Variants in LETMD1 observed in about 807,000 individuals in gnomAD.
LETMD1 encodes LETM1 domain-containing protein 1.
LETMD1 carries 30 observed loss-of-function variants against 43.9 expected under a neutral mutation model. The ratio of observed to expected loss-of-function variants is 0.68; its 90% CI spans 0.51 to 0.93. LETMD1 has a LOEUF of 0.93. LETMD1 is among the 40% of genes least tolerant of loss of function. The pLI, the probability that LETMD1 is intolerant of heterozygous loss-of-function variation, is 0.00. For synonymous variants in LETMD1, 176 were observed against 163.1 expected, an observed-to-expected ratio of 1.08 and a Z score of -0.60; for missense variants, 413 against 447.7, an observed-to-expected ratio of 0.92 and a Z score of 0.70.
chr12:51,050,842 C>T (rs974532423), intron 2 of LETMD1, among the ~76,000 whole-genome samples: 2 of 146,660 alleles, frequency 1.4e-5, no homozygotes, highest in African/African-American at 5.0e-5. Flanking sequence ...AGAGAAGCAC[C>T]GTCTCTACTA....
At chr12:51,066,536 G>T in the LETMD1 span, among the ~76,000 whole-genome samples, 3 of 151,816 alleles carry the variant, frequency 2.0e-5, no homozygotes. Flanking sequence ...AGCTACTTGG[G>T]AGGCTGAGGC....
upstream of LETMD1, chr12:51,048,325 AC>A (rs1256614798): frequency 1.9e-6 from 3 of 1,613,470 alleles, no homozygotes; most frequent in African/African-American, 4.0e-5. Flanking sequence ...CCCAAAGACA[AC>A]CTCTTCTCTC....
chr12:51,064,558 T>A (rs902158213), downstream of LETMD1: 1 of 1,613,214 alleles, frequency 6.2e-7, no homozygotes, highest in Non-Finnish European at 8.5e-7. Context: ...TCCAGCTTCA[T>A]AATGGTGTGG....
chr12:51,066,640 C>CAA, the LETMD1 span, among the ~76,000 whole-genome samples: 113 of 145,222 alleles, frequency 7.8e-4, no homozygotes, highest in South Asian at 2.2e-3. Flanking sequence ...GACTCCGTCT[C>CAA]AAAAAAAAAA....
At chr12:51,064,108 G>C, downstream of LETMD1, 1 of 1,614,164 alleles carries the variant, frequency 6.2e-7, no homozygotes, top group South Asian at 1.1e-5. Flanking sequence ...ACTGGCCTCT[G>C]CTCCACTTGA....
chr12:51,059,191 G>A, intron 8 of LETMD1, 170 bp from the exon 9 acceptor site: 1 of 601,206 alleles, frequency 1.7e-6, no homozygotes, highest in Non-Finnish European at 3.0e-6. Context: ...TAGAAGGAAA[G>A]GAAGGCATGC....
chr12:51,048,320 A>G (rs1944882649), upstream of LETMD1: 1 of 1,613,848 alleles, frequency 6.2e-7, no homozygotes, highest in Non-Finnish European at 8.5e-7. Flanking sequence ...TTTGACCCAA[A>G]GACAACCTCT....
chr12:51,048,449 T>C lies in LETMD1; in HGVS notation c.93T>C (p.Gly31=). 1 of 1,613,962 alleles carries C rather than the reference T, an allele frequency of 6.2e-7. No homozygotes were observed. Among genetic ancestry groups the C allele is most frequent in the Non-Finnish European group, 8.5e-7 (1 of 1,180,016 alleles). The change falls in exon 1 of 9, where the codon GGT becomes GGC. Residue 31 remains glycine, a synonymous_variant. Coordinates refer to ENST00000262055, the MANE Select transcript of LETMD1 (RefSeq NM_015416.5). ...GHFVTRRLQL[G]RSGLAWGAPR... is the part of the protein sequence containing the mutation. Reference sequence around the variant, plus strand: ...TTGTCACCCGGAGGCTGCAACTTGGTCGCTCTGGCCTGGCTTGGGGGGCCC... The same window carrying C: ...TTGTCACCCGGAGGCTGCAACTTGGCCGCTCTGGCCTGGCTTGGGGGGCCC...
Position 51,051,936 on chromosome 12 carries a change from T to C in LETMD1, c.275-156T>C, listed in dbSNP as rs115461430. ...AAAATGTTGAGAAAAGAGATTCGAG[T>C]TGACCTCAGGAGTTTCAAGTTACCT... On this transcript the variant is annotated intron_variant, in intron 2 of 8. Coordinates refer to ENST00000262055, the MANE Select transcript of LETMD1 (RefSeq NM_015416.5). 6.1e-3 allele frequency among the ~76,000 whole-genome samples: 922 copies of C among 151,970 alleles called. 6 individuals are homozygous for C. Among genetic ancestry groups the C allele is most frequent in the African/African-American group, 0.02 (815 of 41,446 alleles).
chr12:51,059,686 A>C lies in LETMD1; in HGVS notation c.*255A>C. 1 of 487,186 alleles carries C rather than the reference A, an allele frequency of 2.1e-6. No individual in the cohort carries two copies. Among genetic ancestry groups the C allele is most frequent in the Non-Finnish European group, 3.8e-6 (1 of 264,134 alleles). The allele number at this position is 487,186 out of a possible 1,614,324, so 30.2% of individuals were successfully genotyped here. A position where few individuals can be genotyped will look rare whatever the true frequency, so the allele number is the denominator to read the frequency against. ...CATCCTGTCCCCCTCATAATTACTAATAGCTGGAACTGGCAGCAGCCTCTA... is the reference window on the plus strand; with the variant it reads ...CATCCTGTCCCCCTCATAATTACTACTAGCTGGAACTGGCAGCAGCCTCTA... On this transcript the variant is annotated 3_prime_UTR_variant, in exon 9 of 9. Coordinates refer to ENST00000262055, the MANE Select transcript of LETMD1 (RefSeq NM_015416.5).
intron 8 of LETMD1, chr12:51,059,089 C>A: frequency 2.4e-6 from 1 of 410,430 alleles, no homozygotes. Flanking sequence ...CAGAAGAATC[C>A]CAACGCGACT....
chr12:51,048,651 C>T (rs1945029478), intron 1 of LETMD1, 173 bp downstream of exon 1: 5 of 758,592 alleles, frequency 6.6e-6, no homozygotes, highest in Non-Finnish European at 8.3e-6. Context: ...GCTTCCTGAC[C>T]CTCTGTACTC....
intron 4 of LETMD1, 95 bp downstream of exon 4, chr12:51,053,955 G>A: frequency 6.0e-6 from 5 of 828,772 alleles, no homozygotes; most frequent in Non-Finnish European, 9.8e-6. Context: ...CAGAAGATAG[G>A]CAGAGGTTAT....
downstream of LETMD1, chr12:51,064,796 T>G: frequency 1.5e-6 from 1 of 676,258 alleles, no homozygotes; most frequent in Non-Finnish European, 2.3e-6. Context: ...AGCAACCAAT[T>G]CAAAGCATAG....
At chr12:51,064,695 C>A (rs1937927482), downstream of LETMD1, 1 of 1,492,338 alleles carries the variant, frequency 6.7e-7, no homozygotes, top group Non-Finnish European at 8.9e-7. Context: ...AAGGTTGGGG[C>A]AAGATGAGAC....
chr12:51,068,145 T>C, the LETMD1 span, among the ~76,000 whole-genome samples: 2 of 152,314 alleles, frequency 1.3e-5, no homozygotes, highest in South Asian at 2.1e-4. Flanking sequence ...AATGCAGCAA[T>C]TGGAAAACTG....
Position 51,053,987 on chromosome 12 carries a change from T to C in LETMD1, c.473+127T>C, listed in dbSNP as rs1012963239. ...TTATCAAACTTCTGCTCCAATCTTC[T>C]CATTATTCCAAGGTTCATAAAAACC... On this transcript the variant is annotated intron_variant, in intron 4 of 8. Transcript: ENST00000262055. 5.1e-5 allele frequency: 36 copies of C among 708,154 alleles called. No individual in the cohort carries two copies. The Admixed American group carries it at 9.1e-4, about 18-fold the overall frequency. 43.9% of individuals were successfully genotyped at this position (708,154 alleles called of 1,614,324 possible). A position where few individuals can be genotyped will look rare whatever the true frequency, so the allele number is the denominator to read the frequency against.
At chr12:51,050,229 T>C (rs143182608) in intron 2 of LETMD1, among the ~76,000 whole-genome samples, 1 of 129,760 alleles carries the variant, frequency 7.7e-6, no homozygotes, top group Admixed American at 7.9e-5. Context: ...CTTTTTATTA[T>C]GAATTTTTTT....
intron 7 of LETMD1, among the ~76,000 whole-genome samples, chr12:51,057,190 C>T (rs912746473): frequency 3.3e-5 from 5 of 151,978 alleles, no homozygotes; most frequent in Admixed American, 2.0e-4. Context: ...GAGCCAAGAT[C>T]GCACCACTGC....
Sources: allele counts gnomAD v4.1 joint callset (sites outside exome capture counted in the v4.1 genomes callset), GRCh38; gene constraint gnomAD v4.1.1; transcripts MANE v1.5; gene names NCBI Gene and HGNC (gene_info 2026-07-23, HGNC 2026-07-21).